SSR1: variants seen among roughly 807,000 people sequenced by gnomAD.
The protein encoded by SSR1 is translocon-associated protein subunit alpha.
In SSR1, 13 loss-of-function variants were observed where a neutral mutation model predicts 36.1. That is an observed-to-expected ratio of 0.36 (90% CI 0.23 to 0.57). The LOEUF is 0.57. SSR1 is among the 20% of genes least tolerant of loss of function. SSR1 has a pLI of 0.81. For missense variants in SSR1, 291 were observed against 338.5 expected, an observed-to-expected ratio of 0.86 and a Z score of 1.10; for synonymous variants, 113 against 118.9, an observed-to-expected ratio of 0.95 and a Z score of 0.32.
Position 7,284,403 on chromosome 6 carries a change from A to C in SSR1, c.*5461T>G, listed in dbSNP as rs1757500529. Reference sequence around the variant, plus strand: ...CTTAAAACTTTTATCCTTTAGTTACAAAAAGAATACTATGTAGCTTACATA... The same window carrying C: ...CTTAAAACTTTTATCCTTTAGTTACCAAAAGAATACTATGTAGCTTACATA... On this transcript the variant is annotated 3_prime_UTR_variant, in exon 8 of 8. Transcript: ENST00000244763. 1 of 152,222 alleles carries C rather than the reference A, an allele frequency of 6.6e-6. No homozygotes were observed. Among genetic ancestry groups the C allele is most frequent in the South Asian group, 2.1e-4 (1 of 4,834 alleles). The allele number at this position is 152,222 out of a possible 1,614,324, so 9.4% of individuals were successfully genotyped here.
At chr6:7,303,242 G>A (rs1369143696) in intron 3 of SSR1, among the ~76,000 whole-genome samples, 1 of 148,360 alleles carries the variant, frequency 6.7e-6, no homozygotes, top group African/African-American at 2.5e-5. Flanking sequence ...CAGGAAAATC[G>A]ATTAAACCTG....
chr6:7,298,733 C>T lies in SSR1; in HGVS notation c.620+14G>A, dbSNP rs1757858406. On this transcript the variant is annotated intron_variant, in intron 5 of 7. Transcript: ENST00000244763. ...GAGCAAAATCAAGATCTACATACTA[C>T]AACTTTCACTTACGTTTCTCCATCT... 2 of 1,603,504 alleles carry T rather than the reference C, an allele frequency of 1.2e-6. No homozygotes were observed. Among genetic ancestry groups the T allele is most frequent in the Middle Eastern group, 1.7e-4 (1 of 6,044 alleles).
chr6:7,307,567 G>C (rs553565803), intron 2 of SSR1, among the ~76,000 whole-genome samples: 1 of 152,126 alleles, frequency 6.6e-6, no homozygotes, highest in South Asian at 2.1e-4. Flanking sequence ...TTAGAGACAG[G>C]GTCTGACTCT....
At chr6:7,303,494 A>C in intron 3 of SSR1, 56 bp downstream of exon 3, 1 of 1,258,210 alleles carries the variant, frequency 7.9e-7, no homozygotes, top group Non-Finnish European at 1.1e-6. Flanking sequence ...ATATATGAAC[A>C]AGCTCATCGT....
rs773062356 is a variant in SSR1, at chr6:7,309,926, G to A, written c.183C>T (p.Pro61=). Residue 61 remains proline, a synonymous_variant, in exon 2 of 8, where the codon CCC becomes CCT. Coordinates refer to ENST00000244763, the MANE Select transcript of SSR1 (RefSeq NM_003144.5). ...AGTATGTAACACTAACCAAATCTGT[G>A]GGTTCATCTTCTTCTACCTCGGCTT... ...DDEAEVEEDE[P]TDLVEDKEEE... The A allele has an allele frequency of 9.4e-5, 151 of 1,611,180 alleles. No homozygotes were observed. Among genetic ancestry groups the A allele is most frequent in the Admixed American group, 7.3e-4 (44 of 59,994 alleles).
At chr6:7,293,674 A>G (rs1052640541) in intron 7 of SSR1, among the ~76,000 whole-genome samples, 8 of 152,122 alleles carry the variant, frequency 5.3e-5, no homozygotes, top group Non-Finnish European at 8.8e-5. Context: ...TCAGCCTCCC[A>G]AAGTGCTGGG....
In SSR1 at chr6:7,312,623, G is replaced by T. The variant is rs913019018; in HGVS notation, c.79+419C>A. Among the ~76,000 whole-genome samples, 5 of 152,362 alleles carry T rather than the reference G, an allele frequency of 3.3e-5. No homozygotes were observed. The South Asian group carries it at 1.0e-3, about 32-fold the overall frequency. ...CTAAAGACACGTCAGCCCTGAGCGC[G>T]AGGGGCTGGGGGTGGAGCGGAGCCG... On this transcript the variant is annotated intron_variant, in intron 1 of 7. Transcript: ENST00000244763.
intron 1 of SSR1, among the ~76,000 whole-genome samples, chr6:7,312,420 C>A (rs756101253): frequency 1.3e-5 from 2 of 152,094 alleles, no homozygotes; most frequent in African/African-American, 4.8e-5. Flanking sequence ...GCAGCAGGGG[C>A]GGATAACGGG....
At chr6:7,302,678 C>T (rs1410166445) in intron 3 of SSR1, among the ~76,000 whole-genome samples, 1 of 152,046 alleles carries the variant, frequency 6.6e-6, no homozygotes, top group Non-Finnish European at 1.5e-5. Flanking sequence ...AGGAGAATCA[C>T]TTGAACCTGG....
intron 7 of SSR1, chr6:7,295,051 C>T (rs1366999009): frequency 6.7e-7 from 1 of 1,489,566 alleles, no homozygotes; most frequent in Non-Finnish European, 8.8e-7. Flanking sequence ...GCCCCCAATT[C>T]TCTAGCAAAA....
In SSR1 at chr6:7,313,159, G is replaced by C; in HGVS notation, c.-39C>G. The C allele has an allele frequency of 1.9e-6, 3 of 1,554,588 alleles. No individual in the cohort carries two copies. The highest frequency in any genetic ancestry group is 2.6e-6 in the Non-Finnish European group (3 of 1,146,392). On this transcript the variant is annotated 5_prime_UTR_variant, in exon 1 of 8. Coordinates refer to ENST00000244763, the MANE Select transcript of SSR1 (RefSeq NM_003144.5). ...CAGTGTCCAGTTTCCGTCGGCTAAG[G>C]CTCTCGGCGGCTCCGGCGGTAATGG...
At chr6:7,309,008 G>A (rs1395344295) in intron 2 of SSR1, among the ~76,000 whole-genome samples, 2 of 152,142 alleles carry the variant, frequency 1.3e-5, no homozygotes, top group African/African-American at 2.4e-5. Context: ...ATGTCACCAC[G>A]ATCCTGAATT....
In SSR1 at chr6:7,288,782, A is replaced by G. The variant is rs1303663932; in HGVS notation, c.*1082T>C. On this transcript the variant is annotated 3_prime_UTR_variant, in exon 8 of 8. Transcript: ENST00000244763. ...TGAAGTACAATTTAATTTTGGTTCCAGTCTCAAGCACTTAAGAACAATTTT... is the reference window on the plus strand; with the variant it reads ...TGAAGTACAATTTAATTTTGGTTCCGGTCTCAAGCACTTAAGAACAATTTT... 1 of 152,552 alleles carries G rather than the reference A, an allele frequency of 6.6e-6. No homozygotes were observed. The highest frequency in any genetic ancestry group is 2.4e-5 in the African/African-American group (1 of 41,448). 9.4% of individuals were successfully genotyped at this position (152,552 alleles called of 1,614,324 possible). A position where few individuals can be genotyped will look rare whatever the true frequency, so the allele number is the denominator to read the frequency against.
At position 7,282,620 on chromosome 6, in the gene SSR1, G is replaced by A. The variant is rs961398727; in HGVS notation, c.*7244C>T. 1.3e-5 allele frequency: 2 copies of A among 152,254 alleles called. No homozygotes were observed. The highest frequency in any genetic ancestry group is 1.3e-4 in the Admixed American group (2 of 15,286). The allele number at this position is 152,254 out of a possible 1,614,324, so 9.4% of individuals were successfully genotyped here. ...TGCTTACTGGTGGTTCCTGAAATGAGTATTTCTAGGCAGGGGGCTTCAGTA... is the reference window on the plus strand; with the variant it reads ...TGCTTACTGGTGGTTCCTGAAATGAATATTTCTAGGCAGGGGGCTTCAGTA... On this transcript the variant is annotated 3_prime_UTR_variant, in exon 8 of 8. Transcript: ENST00000244763.
chr6:7,313,187 T>A lies in SSR1; in HGVS notation c.-67A>T. The A allele has an allele frequency of 6.9e-7, 1 of 1,445,098 alleles. No individual in the cohort carries two copies. Among genetic ancestry groups the A allele is most frequent in the Non-Finnish European group, 9.4e-7 (1 of 1,064,642 alleles). The allele number at this position is 1,445,098 out of a possible 1,614,324, so 89.5% of individuals were successfully genotyped here. A position where few individuals can be genotyped will look rare whatever the true frequency, so the allele number is the denominator to read the frequency against. On this transcript the variant is annotated 5_prime_UTR_variant, in exon 1 of 8. Transcript: ENST00000244763. ...CTCGGCGGCTCCGGCGGTAATGGCG[T>A]TACTCTTCATCCGGGCTCCGGGCAG...
rs564907493 is a variant in SSR1 at position 7,289,670 on chromosome 6, C to G, written c.*194G>C. 1.7e-6 allele frequency: 1 copy of G among 575,544 alleles called. No homozygotes were observed. Among genetic ancestry groups the G allele is most frequent in the African/African-American group, 2.0e-5 (1 of 50,064 alleles). 35.7% of individuals were successfully genotyped at this position (575,544 alleles called of 1,614,324 possible). A position where few individuals can be genotyped will look rare whatever the true frequency, so the allele number is the denominator to read the frequency against. On this transcript the variant is annotated 3_prime_UTR_variant, in exon 8 of 8. Coordinates refer to ENST00000244763, the MANE Select transcript of SSR1 (RefSeq NM_003144.5). ...TAGATTTTAATGGTTTAAAAAAAAA[C>G]CAAATTTGTTACTTTAGAAAAATGA...
At chr6:7,303,894 G>A (rs1757994352) in intron 2 of SSR1, among the ~76,000 whole-genome samples, 1 of 152,182 alleles carries the variant, frequency 6.6e-6, no homozygotes, top group Non-Finnish European at 1.5e-5. Flanking sequence ...GGCTAAGGCA[G>A]GAGAATCGCT....
intron 7 of SSR1, among the ~76,000 whole-genome samples, chr6:7,292,669 C>T (rs1244328000): frequency 6.6e-6 from 1 of 152,134 alleles, no homozygotes; most frequent in Non-Finnish European, 1.5e-5. Context: ...TACATGTGCA[C>T]ACCACCATGC....
chr6:7,289,990 C>A, intron 7 of SSR1, 59 bp from the exon 8 acceptor site: 1 of 1,419,962 alleles, frequency 7.0e-7, no homozygotes, highest in Non-Finnish European at 9.4e-7. Flanking sequence ...ATTCAAAAGA[C>A]ATGTTAAAAA....
Sources: allele counts gnomAD v4.1 joint callset (sites outside exome capture counted in the v4.1 genomes callset), GRCh38; gene constraint gnomAD v4.1.1; transcripts MANE v1.5; gene names NCBI Gene and HGNC (gene_info 2026-07-23, HGNC 2026-07-21).